KANK1: variants seen among roughly 807,000 people sequenced by gnomAD.
KANK1 encodes the protein KN motif and ankyrin repeat domain-containing protein 1.
In KANK1, 109 loss-of-function variants were observed where a neutral mutation model predicts 106.2. The ratio of observed to expected loss-of-function variants is 1.03; its 90% confidence interval spans 0.88 to 1.20. The LOEUF (loss-of-function observed/expected upper bound fraction) is 1.20, where lower values mean the gene tolerates loss of function less well. Among genes scored for constraint, KANK1 ranks in the 50% most tolerant of loss-of-function variants. KANK1 has a pLI of 0.00. For synonymous variants in KANK1, 873 were observed against 652.2 expected, an observed-to-expected ratio of 1.34 and a Z score of -5.16; for missense variants, 2,399 against 1,710.7, an observed-to-expected ratio of 1.40 and a Z score of -7.10.
intron 1 of KANK1, among the ~76,000 whole-genome samples, chr9:505,257 G>T (rs139820980): frequency 0.021 from 3,249 of 152,238 alleles, 40 homozygotes; most frequent in Non-Finnish European, 0.031. Flanking sequence ...TGGCGGTCAA[G>T]ACCCCTTTAT....
intron 1 of KANK1, among the ~76,000 whole-genome samples, chr9:505,439 C>A (rs1484016298): frequency 6.6e-6 from 1 of 152,162 alleles, no homozygotes; most frequent in Non-Finnish European, 1.5e-5. Flanking sequence ...GGTTCCAGGT[C>A]GAGGGAAGGT....
At chr9:570,512 A>G (rs977237639) in intron 1 of KANK1, among the ~76,000 whole-genome samples, 8 of 152,192 alleles carry the variant, frequency 5.3e-5, no homozygotes, top group South Asian at 2.1e-4. Flanking sequence ...CTTACCAGAA[A>G]GTTAATCTGT....
chr9:502,392 A>G (rs2058571681), upstream of KANK1, among the ~76,000 whole-genome samples: 2 of 152,200 alleles, frequency 1.3e-5, no homozygotes, highest in Non-Finnish European at 2.9e-5. Flanking sequence ...TAAATCCACT[A>G]AAAATTCAGA....
chr9:625,610 C>T (rs1490244322), intron 1 of KANK1, among the ~76,000 whole-genome samples: 1 of 152,028 alleles, frequency 6.6e-6, no homozygotes, highest in Non-Finnish European at 1.5e-5. Flanking sequence ...ATTGAGATCA[C>T]TCTTTAAAAA....
chr9:666,901 C>CTTTTTTT (rs35149316), intron 1 of KANK1, among the ~76,000 whole-genome samples: 81 of 53,444 alleles, frequency 1.5e-3, no homozygotes, highest in Non-Finnish European at 1.8e-3. Flanking sequence ...CTATTGTTGT[C>CTTTTTTT]TTTTTTTTTT....
At chr9:686,996 G>C (rs1222840713) in intron 2 of KANK1, 7 of 920,394 alleles carry the variant, frequency 7.6e-6, no homozygotes, top group Non-Finnish European at 9.1e-6. Flanking sequence ...GATGCTTTGA[G>C]ATGAGACTTT....
At chr9:493,616 C>T (rs146787775) in intron 3 of KANK1, among the ~76,000 whole-genome samples, 3,568 of 138,616 alleles carry the variant, frequency 0.026, 151 homozygotes, top group African/African-American at 0.095. Context: ...GGGGTGATCT[C>T]GGCTCACTGC....
chr9:587,265 C>T lies in KANK1; in HGVS notation c.-84+82511C>T, dbSNP rs1823724504. On this transcript the variant is annotated intron_variant, in intron 1 of 11. Coordinates refer to ENST00000382297, the MANE Select transcript of KANK1 (RefSeq NM_015158.5). ...ATGCTCCAATGATCTGTTCAGACTG[C>T]TCTTGATCTACAAATGTATGATTGA... Among the ~76,000 whole-genome samples, 3 of 144,536 alleles carry T rather than the reference C, an allele frequency of 2.1e-5. No homozygotes were observed. In the South Asian group the frequency reaches 7.2e-4, roughly 35 times the overall value. The allele number at this position is 144,536 out of a possible 152,430, so 94.8% of individuals were successfully genotyped here. A position where few individuals can be genotyped will look rare whatever the true frequency, so the allele number is the denominator to read the frequency against.
At chr9:536,043 T>A (rs2060281381) in intron 1 of KANK1, among the ~76,000 whole-genome samples, 1 of 152,188 alleles carries the variant, frequency 6.6e-6, no homozygotes, top group South Asian at 2.1e-4. Context: ...AATTTCATGC[T>A]TAAAACAGCA....
intron 1 of KANK1, among the ~76,000 whole-genome samples, chr9:530,428 T>C (rs985829002): frequency 4.6e-5 from 7 of 152,228 alleles, no homozygotes; most frequent in Non-Finnish European, 7.3e-5. Context: ...TTACTTTTTT[T>C]CCCAGATGGC....
intron 1 of KANK1, among the ~76,000 whole-genome samples, chr9:516,316 T>C (rs1200221975): frequency 6.6e-6 from 1 of 151,738 alleles, no homozygotes. Context: ...GAAAGTTTGC[T>C]GAATTCCTAT....
intron 6 of KANK1, chr9:733,502 T>G (rs1378078022): frequency 6.6e-5 from 10 of 152,344 alleles, no homozygotes; most frequent in Admixed American, 6.5e-4. Flanking sequence ...GGTTCAGATG[T>G]GTGGTTTACT....
At position 529,236 on chromosome 9, in the gene KANK1, C is replaced by T. The variant is rs10974999; in HGVS notation, c.-84+24482C>T. On this transcript the variant is annotated intron_variant, in intron 1 of 11. Coordinates refer to ENST00000382297, the MANE Select transcript of KANK1 (RefSeq NM_015158.5). ...AACTCTGTTAATATATATATATATA[C>T]ACACACACACACACACACATATACA... Among the ~76,000 whole-genome samples, 644 of 140,386 alleles carry T rather than the reference C, an allele frequency of 4.6e-3. 5 individuals are homozygous for T. Among genetic ancestry groups the T allele is most frequent in the African/African-American group, 0.014 (524 of 37,230 alleles). 92.1% of individuals were successfully genotyped at this position (140,386 alleles called of 152,430 possible).
At chr9:607,503 AAAAAG>A (rs1471651444) in intron 1 of KANK1, among the ~76,000 whole-genome samples, 1 of 151,110 alleles carries the variant, frequency 6.6e-6, no homozygotes, top group Non-Finnish European at 1.5e-5. Context: ...AAAAAAAAAA[AAAAAG>A]GAGATGGCTA....
upstream of KANK1, among the ~76,000 whole-genome samples, chr9:504,129 G>C (rs1409016936): frequency 1.3e-5 from 2 of 152,154 alleles, no homozygotes; most frequent in Non-Finnish European, 2.9e-5. Context: ...AGGAGGTACA[G>C]AGGCGCTGGG....
At chr9:667,078 G>T (rs1675655177) in intron 1 of KANK1, among the ~76,000 whole-genome samples, 2 of 150,896 alleles carry the variant, frequency 1.3e-5, no homozygotes, top group Admixed American at 6.6e-5. Context: ...TCAGATCCTC[G>T]ACTTTTCTTT....
chr9:537,987 C>G (rs1338738712), intron 1 of KANK1, among the ~76,000 whole-genome samples: 2 of 152,124 alleles, frequency 1.3e-5, no homozygotes, highest in Admixed American at 6.5e-5. Context: ...TGAGTAGGCT[C>G]AAACATTTAT....
At chr9:740,717 C>G (rs575876590) in intron 8 of KANK1, 75 bp from the exon 9 acceptor site, 1 of 1,508,432 alleles carries the variant, frequency 6.6e-7, no homozygotes, top group East Asian at 2.2e-5. Context: ...AACACCATCC[C>G]TTCAGTGGCT....
intron 1 of KANK1, among the ~76,000 whole-genome samples, chr9:555,023 G>A (rs925381906): frequency 2.0e-5 from 3 of 152,138 alleles, no homozygotes; most frequent in South Asian, 4.1e-4. Flanking sequence ...CTGGGCATCC[G>A]TTTGCCCAGT....
Sources: gnomAD v4.1 joint callset for allele counts (sites outside exome capture counted in the v4.1 genomes callset) on GRCh38, gnomAD v4.1.1 for gene constraint, MANE v1.5 for transcripts, NCBI Gene and HGNC (gene_info 2026-07-23, HGNC 2026-07-21) for gene names.